The following LOXHD1 variants were observed in gnomAD, a reference collection of about 807,000 sequenced individuals.
LOXHD1 encodes lipoxygenase homology PLAT domains 1.
A neutral mutation model predicts 248.2 loss-of-function variants in LOXHD1; 205 were observed. The observed-to-expected ratio is 0.83, with a 90% CI of 0.74 to 0.93. The LOEUF (loss-of-function observed/expected upper bound fraction) is 0.93, where lower values mean the gene tolerates loss of function less well. Among genes scored for constraint, LOXHD1 ranks in the 40% least tolerant of loss-of-function variants. The probability of loss-of-function intolerance (pLI) is 0.00; values close to 1 mark genes in which losing one functional copy is unlikely to be tolerated. For synonymous variants in LOXHD1, 1,113 were observed against 1,162.8 expected (o/e 0.96, Z 0.87); for missense variants, 2,930 against 2,971.6 (o/e 0.99, Z 0.33).
chr18:46,489,276 G>T, intron 37 of LOXHD1, 134 bp from the exon 38 acceptor site: 2 of 916,362 alleles, frequency 2.2e-6, no homozygotes, highest in Non-Finnish European at 3.4e-6. Flanking sequence ...TGATCTCCTT[G>T]TTGATAAAGT....
chr18:46,560,046 A>AGTGCCGGC, intron 19 of LOXHD1, 37 bp downstream of exon 19: 1 of 690,954 alleles, frequency 1.4e-6, no homozygotes, highest in Non-Finnish European at 2.3e-6. Context: ...CTGTCTGGCC[A>AGTGCCGGC]CTCCCTCCCC....
intron 12 of LOXHD1, among the ~76,000 whole-genome samples, chr18:46,590,886 TTC>T (rs2038155025): frequency 1.3e-4 from 1 of 7,550 alleles, no homozygotes; most frequent in African/African-American, 2.5e-4. Flanking sequence ...TTCTTCATTC[TTC>T]TTAAGAATGA....
At chr18:46,635,944 C>T (rs1030228236) in intron 4 of LOXHD1, among the ~76,000 whole-genome samples, 9 of 152,130 alleles carry the variant, frequency 5.9e-5, no homozygotes, top group Non-Finnish European at 1.3e-4. Flanking sequence ...AATAGATCCC[C>T]GAGTCCTGGA....
At chr18:46,579,130 G>A (rs2037913610) in intron 13 of LOXHD1, among the ~76,000 whole-genome samples, 1 of 152,198 alleles carries the variant, frequency 6.6e-6, no homozygotes, top group Non-Finnish European at 1.5e-5. Flanking sequence ...CAATGGTCAT[G>A]CCATAGGGGA....
At position 46,506,784 on chromosome 18, in the gene LOXHD1, G is replaced by A. The variant is rs941853723; in HGVS notation, c.5692+754C>T. ...GGCAAGAGGCTTCTCTGTTGAAAAT[G>A]TAAGCTACCATGGCCAACAAGTTAA... On this transcript the variant is annotated intron_variant, in intron 36 of 40. Transcript: ENST00000642948. Among the ~76,000 whole-genome samples the A allele has an allele frequency of 2.6e-5, 4 of 152,330 alleles. No individual in the cohort carries two copies. In the East Asian group the frequency reaches 7.7e-4, roughly 29 times the overall value.
chr18:46,619,337 C>T (rs539410251), intron 4 of LOXHD1, among the ~76,000 whole-genome samples: 3 of 152,310 alleles, frequency 2.0e-5, no homozygotes, highest in African/African-American at 7.2e-5. Context: ...TTCTCTGAGC[C>T]CTGTCCCTGG....
At chr18:46,629,906 G>A (rs1204503813) in intron 4 of LOXHD1, among the ~76,000 whole-genome samples, 2 of 151,994 alleles carry the variant, frequency 1.3e-5, no homozygotes, top group Non-Finnish European at 2.9e-5. Flanking sequence ...CATGCGCCCA[G>A]CCCACCTGCC....
At chr18:46,603,639 G>A (rs777263651) in intron 7 of LOXHD1, among the ~76,000 whole-genome samples, 8 of 152,122 alleles carry the variant, frequency 5.3e-5, no homozygotes, top group Non-Finnish European at 1.0e-4. Flanking sequence ...GTGTGCCCTT[G>A]GACAAGGCTC....
intron 17 of LOXHD1, 124 bp from the exon 18 acceptor site, chr18:46,563,349 C>T: frequency 1.1e-6 from 1 of 939,416 alleles, no homozygotes; most frequent in East Asian, 2.7e-5. Context: ...ATTCACTTAT[C>T]TAATCCTCTC....
At chr18:46,573,022 CAAAAAAA>C (rs71162809) in intron 14 of LOXHD1, among the ~76,000 whole-genome samples, 5 of 57,394 alleles carry the variant, frequency 8.7e-5, no homozygotes, top group Non-Finnish European at 1.2e-4. Context: ...GACTCCGTCT[CAAAAAAA>C]AAAAAAAAAA....
chr18:46,488,829 A>T, intron 38 of LOXHD1, 143 bp downstream of exon 38: 1 of 908,606 alleles, frequency 1.1e-6, no homozygotes, highest in South Asian at 1.8e-5. Flanking sequence ...GTTTCACCAA[A>T]CAGCATTTAG....
rs2035566989 is a variant in LOXHD1, at chr18:46,521,270, C to T, written c.5098G>A (p.Gly1700Arg). ...AGCCAGCAGCTCTCAGGGGAGGCCC[C>T]GTCATGGCCCAGCTAGGAGGAGACA... ...IIKKIELGHD[G>R]ASPESCWLVE... Residue 1700 changes from glycine (G) to arginine (R), a missense_variant, in exon 33 of 41, where the codon GGG (glycine) becomes AGG (arginine). Physicochemically the swap from Gly to Arg is moderately radical, Grantham distance 125. Coordinates refer to ENST00000642948, the MANE Select transcript of LOXHD1 (RefSeq NM_001384474.1). 5 of 1,551,668 alleles carry T rather than the reference C, an allele frequency of 3.2e-6. No individual in the cohort carries two copies. Among genetic ancestry groups the T allele is most frequent in the Non-Finnish European group, 4.4e-6 (5 of 1,146,972 alleles).
chr18:46,641,572 G>A (rs1307483672), intron 3 of LOXHD1, among the ~76,000 whole-genome samples: 2 of 152,148 alleles, frequency 1.3e-5, no homozygotes, highest in Non-Finnish European at 2.9e-5. Context: ...CACCGATGAG[G>A]CACCATTTTT....
intron 37 of LOXHD1, among the ~76,000 whole-genome samples, chr18:46,493,195 C>T (rs952311491): frequency 2.6e-5 from 4 of 152,228 alleles, no homozygotes; most frequent in Non-Finnish European, 5.9e-5. Flanking sequence ...ATCTACCATT[C>T]TGTCTGTTTG....
intron 16 of LOXHD1, among the ~76,000 whole-genome samples, chr18:46,568,050 A>G (rs1247814247): frequency 1.3e-5 from 2 of 152,224 alleles, no homozygotes. Context: ...CATCTTGATA[A>G]ATGAAAACAT....
At chr18:46,539,653 A>C (rs889248610) in intron 25 of LOXHD1, among the ~76,000 whole-genome samples, 11 of 152,218 alleles carry the variant, frequency 7.2e-5, no homozygotes, top group African/African-American at 2.4e-4. Context: ...TATTTTTTAA[A>C]ATATGTGGAA....
chr18:46,544,579 C>G (rs1010197005), intron 23 of LOXHD1, among the ~76,000 whole-genome samples: 4 of 152,220 alleles, frequency 2.6e-5, no homozygotes, highest in African/African-American at 9.6e-5. Context: ...ACATGTTCAA[C>G]TTCATTAGAC....
chr18:46,484,067 G>A (rs2032827921), intron 39 of LOXHD1, among the ~76,000 whole-genome samples: 1 of 152,142 alleles, frequency 6.6e-6, no homozygotes, highest in African/African-American at 2.4e-5. Context: ...TAACAGACAT[G>A]TCTTAGCAAA....
intron 37 of LOXHD1, among the ~76,000 whole-genome samples, chr18:46,503,842 C>G (rs2034391691): frequency 6.6e-6 from 1 of 152,094 alleles, no homozygotes; most frequent in South Asian, 2.1e-4. Context: ...CTCTCATCAC[C>G]TCATCTTCTT....
Sources: gnomAD v4.1 joint callset for allele counts (sites outside exome capture counted in the v4.1 genomes callset) on GRCh38, gnomAD v4.1.1 for gene constraint, MANE v1.5 for transcripts, NCBI Gene and HGNC (gene_info 2026-07-23, HGNC 2026-07-21) for gene names.